Variants in KCNIP4 observed in about 807,000 individuals in gnomAD.
The protein encoded by KCNIP4 is potassium voltage-gated channel interacting protein 4.
KCNIP4 carries 12 observed loss-of-function variants against 34.0 expected under a neutral mutation model. The ratio of observed to expected loss-of-function variants is 0.35; its 90% confidence interval spans 0.23 to 0.57. The LOEUF (loss-of-function observed/expected upper bound fraction) is 0.57, where lower values mean the gene tolerates loss of function less well. Among genes scored for constraint, KCNIP4 ranks in the 20% least tolerant of loss-of-function variants. The probability of loss-of-function intolerance (pLI) is 0.83; values close to 1 mark genes in which losing one functional copy is unlikely to be tolerated. For missense variants in KCNIP4, 238 were observed against 311.7 expected, an observed-to-expected ratio of 0.76 and a Z score of 1.78; for synonymous variants, 124 against 102.2, an observed-to-expected ratio of 1.21 and a Z score of -1.29.
intron 1 of KCNIP4, among the ~76,000 whole-genome samples, chr4:21,817,855 G>T (rs1419391327): frequency 6.6e-6 from 1 of 152,152 alleles, no homozygotes; most frequent in African/African-American, 2.4e-5. Flanking sequence ...GTGCACCGCT[G>T]AACACAGACC....
intron 1 of KCNIP4, among the ~76,000 whole-genome samples, chr4:21,542,743 A>G (rs1009550083): frequency 3.3e-5 from 5 of 150,948 alleles, no homozygotes; most frequent in African/African-American, 1.2e-4. Context: ...AGAAACAATC[A>G]TTAGTACAAG....
intron 1 of KCNIP4, among the ~76,000 whole-genome samples, chr4:21,786,202 C>T (rs185963782): frequency 6.6e-6 from 1 of 152,326 alleles, no homozygotes; most frequent in Admixed American, 6.5e-5. Flanking sequence ...CTGCCTTGGC[C>T]TCCCAAAGTG....
At chr4:21,366,390 C>A (rs1356169038) in intron 1 of KCNIP4, among the ~76,000 whole-genome samples, 1 of 152,206 alleles carries the variant, frequency 6.6e-6, no homozygotes, top group Admixed American at 6.5e-5. Context: ...ATATGGAAAT[C>A]TTTGCAGCCC....
chr4:21,862,113 CAAAT>C (rs748843399), intron 1 of KCNIP4, among the ~76,000 whole-genome samples: 10 of 152,134 alleles, frequency 6.6e-5, no homozygotes, highest in Non-Finnish European at 1.3e-4. Context: ...CATCCAGGAC[CAAAT>C]ATCACCTCAT....
At chr4:21,809,691 C>G (rs1003384979) in intron 1 of KCNIP4, among the ~76,000 whole-genome samples, 1 of 152,090 alleles carries the variant, frequency 6.6e-6, no homozygotes, top group Non-Finnish European at 1.5e-5. Context: ...TCTACAGTTT[C>G]CTTACTTATT....
intron 1 of KCNIP4, among the ~76,000 whole-genome samples, chr4:20,911,169 A>G (rs1728292647): frequency 6.6e-6 from 1 of 152,186 alleles, no homozygotes; most frequent in Non-Finnish European, 1.5e-5. Context: ...CTAAACAAGG[A>G]AATAACTTGC....
chr4:21,797,694 TTA>T (rs1249319039), intron 1 of KCNIP4, among the ~76,000 whole-genome samples: 1 of 152,176 alleles, frequency 6.6e-6, no homozygotes, highest in Non-Finnish European at 1.5e-5. Flanking sequence ...CTGTGATTAT[TTA>T]TCTCAGGCAC....
chr4:20,746,306 G>C (rs540130764), intron 5 of KCNIP4, among the ~76,000 whole-genome samples: 4 of 152,054 alleles, frequency 2.6e-5, no homozygotes, highest in African/African-American at 9.6e-5. Flanking sequence ...CTCACTCATA[G>C]CTGGGAATTG....
At chr4:21,643,880 ATAG>A (rs1746812633) in intron 1 of KCNIP4, among the ~76,000 whole-genome samples, 1 of 135,470 alleles carries the variant, frequency 7.4e-6, no homozygotes, top group Non-Finnish European at 1.5e-5. Context: ...TGATAGATAG[ATAG>A]ATAGATAGAT....
In KCNIP4 at chr4:21,331,847, T is replaced by C. The variant is rs16870818; in HGVS notation, c.62-449138A>G. Among the ~76,000 whole-genome samples the C allele has an allele frequency of 3.6e-4, 55 of 151,950 alleles. 1 individual carries two copies. The highest frequency in any genetic ancestry group is 1.9e-3 in the South Asian group (9 of 4,826). On this transcript the variant is annotated intron_variant, in intron 1 of 8. Transcript: ENST00000382152. ...TCATCCTAGAATATGGGATGTTTCA[T>C]ATTTCACAGTAATTATAAATTCACA...
At chr4:21,862,825 G>A (rs1308249599) in intron 1 of KCNIP4, among the ~76,000 whole-genome samples, 1 of 152,098 alleles carries the variant, frequency 6.6e-6, no homozygotes, top group Non-Finnish European at 1.5e-5. Context: ...GCCGGGCGTG[G>A]TGGCAGGCAC....
intron 1 of KCNIP4, among the ~76,000 whole-genome samples, chr4:21,631,663 C>G (rs573432607): frequency 1.4e-4 from 22 of 152,254 alleles, no homozygotes; most frequent in African/African-American, 5.3e-4. Flanking sequence ...CTGGGTCAGG[C>G]CTGCCTTTCC....
chr4:20,833,486 A>G (rs1315052122), intron 3 of KCNIP4, among the ~76,000 whole-genome samples: 1 of 151,446 alleles, frequency 6.6e-6, no homozygotes, highest in Non-Finnish European at 1.5e-5. Flanking sequence ...CCCCATCTCA[A>G]TAATAATAAT....
At chr4:21,029,782 C>G (rs989150030) in intron 1 of KCNIP4, among the ~76,000 whole-genome samples, 1 of 152,154 alleles carries the variant, frequency 6.6e-6, no homozygotes, top group African/African-American at 2.4e-5. Context: ...GACCTTTATG[C>G]TCCTACACCA....
chr4:21,430,006 AATC>A (rs1314571230), intron 1 of KCNIP4, among the ~76,000 whole-genome samples: 66 of 152,266 alleles, frequency 4.3e-4, no homozygotes, highest in Admixed American at 3.7e-3. Context: ...AAAATTATAA[AATC>A]ATCATTTTTG....
chr4:21,714,772 G>A (rs16871712), intron 1 of KCNIP4, among the ~76,000 whole-genome samples: 6,894 of 116,704 alleles, frequency 0.059, 914 homozygotes, highest in African/African-American at 0.21. Context: ...GAATGTGTTA[G>A]TAATTTCCCT....
intron 1 of KCNIP4, among the ~76,000 whole-genome samples, chr4:21,926,220 C>G (rs28667639): frequency 0.38 from 58,205 of 151,970 alleles, 12,344 homozygotes; most frequent in East Asian, 0.66. Context: ...ACTTCTAGAA[C>G]GTCAGTATTG....
chr4:21,435,828 C>A (rs568532429), intron 1 of KCNIP4, among the ~76,000 whole-genome samples: 1 of 152,108 alleles, frequency 6.6e-6, no homozygotes, highest in Non-Finnish European at 1.5e-5. Context: ...CTACTGGATA[C>A]CGTGCTTAAC....
chr4:20,854,533 G>A (rs1721370537), intron 2 of KCNIP4, among the ~76,000 whole-genome samples: 1 of 152,098 alleles, frequency 6.6e-6, no homozygotes, highest in Admixed American at 6.6e-5. Flanking sequence ...TACAAATATT[G>A]TGCAGTGTAT....
Sources: allele counts gnomAD v4.1 joint callset (sites outside exome capture counted in the v4.1 genomes callset), GRCh38; gene constraint gnomAD v4.1.1; transcripts MANE v1.5; gene names NCBI Gene and HGNC (gene_info 2026-07-23, HGNC 2026-07-21).